Variants in PDZK1 observed in about 807,000 individuals in gnomAD.
The protein encoded by PDZK1 is Na(+)/H(+) exchange regulatory cofactor NHE-RF3.
In PDZK1, 23 loss-of-function variants were observed where a neutral mutation model predicts 38.1. The observed-to-expected ratio is 0.60, with a 90% confidence interval of 0.43 to 0.85. The LOEUF (loss-of-function observed/expected upper bound fraction) is 0.85, where lower values mean the gene tolerates loss of function less well. Among genes scored for constraint, PDZK1 ranks in the 40% least tolerant of loss-of-function variants. The pLI, the probability that PDZK1 is intolerant of heterozygous loss-of-function variation, is 0.00. For missense variants in PDZK1, 297 were observed against 504.3 expected, an observed-to-expected ratio of 0.59 and a Z score of 3.94; for synonymous variants, 98 against 186.2, an observed-to-expected ratio of 0.53 and a Z score of 3.86.
chr1:145,672,945 C>T lies in PDZK1; in HGVS notation c.1291G>A (p.Val431Met). The change falls in exon 8 of 9, where the codon GTG becomes ATG. Residue 431 changes from valine (V) to methionine (M), a missense_variant. Val to Met is a conservative substitution (Grantham distance 21). Transcript: ENST00000417171. ...ACCTTCTCATAGGGTTCATCTAGCACATTCACCCCATTCACTTCAATGATG... is the reference window on the plus strand; with the variant it reads ...ACCTTCTCATAGGGTTCATCTAGCATATTCACCCCATTCACTTCAATGATG... ...DVIIEVNGVN[V>M]LDEPYEKVVD... is the part of the protein sequence containing the mutation. 2 of 1,580,466 alleles carry T rather than the reference C, an allele frequency of 1.3e-6. No homozygotes were observed. The highest frequency in any genetic ancestry group is 1.7e-6 in the Non-Finnish European group (2 of 1,151,956).
chr1:145,682,010 AC>A (rs1240928702), intron 4 of PDZK1, among the ~76,000 whole-genome samples: 9 of 26,980 alleles, frequency 3.3e-4, no homozygotes, highest in South Asian at 1.8e-3. Flanking sequence ...TCTCTACAAA[AC>A]ACACACACAC....
intron 1 of PDZK1, among the ~76,000 whole-genome samples, chr1:145,699,627 G>C (rs1483391249): frequency 6.6e-6 from 1 of 152,182 alleles, no homozygotes; most frequent in Non-Finnish European, 1.5e-5. Context: ...TCAAAAGTTA[G>C]TGGGTTGACA....
intron 1 of PDZK1, among the ~76,000 whole-genome samples, chr1:145,700,924 G>A (rs1197215255): frequency 2.6e-5 from 4 of 152,154 alleles, no homozygotes; most frequent in Non-Finnish European, 4.4e-5. Context: ...CTTAGCAGGG[G>A]CTGGGCGCGG....
chr1:145,690,816 C>T (rs1655186001), intron 1 of PDZK1, among the ~76,000 whole-genome samples: 2 of 152,146 alleles, frequency 1.3e-5, no homozygotes. Context: ...TCACTGGAGA[C>T]CTGTGAGCCT....
intron 3 of PDZK1, 39 bp downstream of exon 3, chr1:145,686,438 C>T (rs782316620): frequency 6.4e-7 from 1 of 1,564,226 alleles, no homozygotes; most frequent in Non-Finnish European, 8.7e-7. Context: ...TTGTCTGTGC[C>T]CTGCCCCTGC....
intron 1 of PDZK1, among the ~76,000 whole-genome samples, chr1:145,701,320 C>T (rs1553704950): frequency 6.6e-6 from 1 of 150,942 alleles, no homozygotes; most frequent in African/African-American, 2.4e-5. Context: ...GAGTAAGTTA[C>T]TTCTGTTTTG....
chr1:145,691,604 A>G (rs1489109545), intron 1 of PDZK1: 2 of 152,244 alleles, frequency 1.3e-5, no homozygotes, highest in Non-Finnish European at 2.9e-5. Context: ...ATTAGCAGCA[A>G]TCATTTGAAG....
intron 1 of PDZK1, among the ~76,000 whole-genome samples, chr1:145,695,196 A>T (rs781871974): frequency 7.2e-5 from 11 of 151,974 alleles, no homozygotes; most frequent in Non-Finnish European, 1.5e-4. Context: ...AGAGGTGGGC[A>T]GATCACTTGA....
At chr1:145,677,998 A>T (rs1653882094) in intron 6 of PDZK1, among the ~76,000 whole-genome samples, 1 of 127,078 alleles carries the variant, frequency 7.9e-6, no homozygotes, top group South Asian at 2.9e-4. Flanking sequence ...AAATAAAGTT[A>T]GTTTGATTCA....
At chr1:145,697,402 C>T (rs936153925) in intron 1 of PDZK1, among the ~76,000 whole-genome samples, 1 of 151,934 alleles carries the variant, frequency 6.6e-6, no homozygotes, top group African/African-American at 2.4e-5. Flanking sequence ...AAGGAATAAT[C>T]AGAAAACAAA....
intron 6 of PDZK1, among the ~76,000 whole-genome samples, chr1:145,674,798 A>C (rs1382971107): frequency 6.6e-6 from 1 of 152,028 alleles, no homozygotes; most frequent in East Asian, 1.9e-4. Flanking sequence ...CAATTCCCCT[A>C]ATTAATCTCC....
At chr1:145,680,515 C>T (rs1654133641) in intron 5 of PDZK1, among the ~76,000 whole-genome samples, 1 of 151,954 alleles carries the variant, frequency 6.6e-6, no homozygotes, top group Non-Finnish European at 1.5e-5. Context: ...CACCGGCTCA[C>T]AAAAGCCAAT....
At chr1:145,677,922 A>C (rs1163116050) in intron 6 of PDZK1, among the ~76,000 whole-genome samples, 2 of 143,426 alleles carry the variant, frequency 1.4e-5, no homozygotes, top group Non-Finnish European at 3.0e-5. Context: ...AAAAAAAAAA[A>C]AAAAAAAAAA....
chr1:145,684,574 T>C (rs1471406167), intron 3 of PDZK1, among the ~76,000 whole-genome samples: 2 of 152,202 alleles, frequency 1.3e-5, no homozygotes, highest in African/African-American at 2.4e-5. Flanking sequence ...CATATTTTGA[T>C]ACCAAGAGCA....
At chr1:145,679,192 C>G (rs1374577850) in intron 5 of PDZK1, among the ~76,000 whole-genome samples, 1 of 147,964 alleles carries the variant, frequency 6.8e-6, no homozygotes, top group Non-Finnish European at 1.5e-5. Flanking sequence ...TTAACAAGTT[C>G]CTGTTTCACT....
intron 1 of PDZK1, among the ~76,000 whole-genome samples, chr1:145,699,993 G>A (rs1655867576): frequency 3.3e-5 from 5 of 152,174 alleles, no homozygotes; most frequent in Admixed American, 3.3e-4. Context: ...CTCCATCCAA[G>A]TTACTCTTTC....
rs1397837076 is a variant in PDZK1 at position 145,686,547 on chromosome 1, C to T, written c.390G>A (p.Trp130Ter). ...CGAGATAGCAGAGCCGGGGCTGGGTCCAAGTTTGCACACCTCCATTCATCA... is the reference window on the plus strand; with the variant it reads ...CGAGATAGCAGAGCCGGGGCTGGGTTCAAGTTTGCACACCTCCATTCATCA... ...SPVMNGGVQTWTQPRLCYLVK... is the reference protein window; with the variant it reads ...SPVMNGGVQT Residue 130 changes from tryptophan (W) to a stop codon, truncating the protein, a stop_gained, in exon 3 of 9, where the codon TGG (tryptophan) becomes TGA (stop). Transcript: ENST00000417171. LOFTEE classifies it high-confidence loss of function. 1 of 1,611,714 alleles carries T rather than the reference C, an allele frequency of 6.2e-7. No individual in the cohort carries two copies. The highest frequency in any genetic ancestry group is 8.5e-7 in the Non-Finnish European group (1 of 1,179,806).
chr1:145,677,542 A>G (rs1553699510), intron 6 of PDZK1, among the ~76,000 whole-genome samples: 1 of 151,946 alleles, frequency 6.6e-6, no homozygotes, highest in African/African-American at 2.4e-5. Context: ...CATTAATCTA[A>G]TTAATTGTTT....
chr1:145,672,365 A>G (rs1158254810), intron 8 of PDZK1, among the ~76,000 whole-genome samples: 2 of 150,520 alleles, frequency 1.3e-5, no homozygotes, highest in Non-Finnish European at 3.0e-5. Context: ...TGGGTGGGAA[A>G]ACTGAGGAAC....
Sources: gnomAD v4.1 joint callset for allele counts (sites outside exome capture counted in the v4.1 genomes callset) on GRCh38, gnomAD v4.1.1 for gene constraint, MANE v1.5 for transcripts, NCBI Gene and HGNC (gene_info 2026-07-23, HGNC 2026-07-21) for gene names.